The following EXOC4 variants were observed in gnomAD, a reference collection of about 807,000 sequenced individuals.
EXOC4 encodes exocyst complex component 4.
In EXOC4, 71 loss-of-function variants were observed where a neutral mutation model predicts 107.2. The ratio of observed to expected loss-of-function variants is 0.66; its 90% CI spans 0.55 to 0.81. The LOEUF (loss-of-function observed/expected upper bound fraction) is 0.81. Ranked by LOEUF, EXOC4 falls within the 30% of genes least tolerant of loss-of-function variation. The probability of loss-of-function intolerance (pLI) is 0.00; values close to 1 mark genes in which losing one functional copy is unlikely to be tolerated. For missense variants in EXOC4, 1,108 were observed against 1,189.6 expected, an observed-to-expected ratio of 0.93 and a Z score of 1.01; for synonymous variants, 456 against 441.2, an observed-to-expected ratio of 1.03 and a Z score of -0.42.
At chr7:134,054,308 C>T (rs746838936) in intron 17 of EXOC4, among the ~76,000 whole-genome samples, 2 of 152,130 alleles carry the variant, frequency 1.3e-5, no homozygotes, top group African/African-American at 2.4e-5. Flanking sequence ...ACCTCCTCCT[C>T]GCCACCCAGT....
At chr7:134,046,516 C>A (rs1380276220) in intron 17 of EXOC4, among the ~76,000 whole-genome samples, 3 of 148,820 alleles carry the variant, frequency 2.0e-5, no homozygotes, top group Non-Finnish European at 3.0e-5. Context: ...CCTCCTAAGT[C>A]ATGGCCCTCA....
At chr7:133,918,405 A>AAGAT (rs1459943022) in intron 13 of EXOC4, among the ~76,000 whole-genome samples, 1 of 152,214 alleles carries the variant, frequency 6.6e-6, no homozygotes, top group Non-Finnish European at 1.5e-5. Context: ...ACATGAGAGT[A>AAGAT]AGATAAATTT....
chr7:133,392,250 C>A (rs1447148630), intron 7 of EXOC4, among the ~76,000 whole-genome samples: 1 of 152,090 alleles, frequency 6.6e-6, no homozygotes, highest in Non-Finnish European at 1.5e-5. Flanking sequence ...GATCTGTTCA[C>A]CTGCTGTGAT....
rs1408867170 is a variant in EXOC4, at chr7:134,065,744, T to C, written c.*1216T>C. ...ATGGGAAAAATGGAGAATTAAAAAG[T>C]GTTTTGAGAAGCTTAAATGTTTCAT... On this transcript the variant is annotated 3_prime_UTR_variant, in exon 18 of 18. Coordinates refer to ENST00000253861, the MANE Select transcript of EXOC4 (RefSeq NM_021807.4). 1 of 152,198 alleles carries C rather than the reference T, an allele frequency of 6.6e-6. No individual in the cohort carries two copies. Among genetic ancestry groups the C allele is most frequent in the African/African-American group, 2.4e-5 (1 of 41,440 alleles). The allele number at this position is 152,198 out of a possible 1,614,324, so 9.4% of individuals were successfully genotyped here.
chr7:133,494,678 C>T (rs538961295), intron 9 of EXOC4, among the ~76,000 whole-genome samples: 1 of 152,266 alleles, frequency 6.6e-6, no homozygotes, highest in Non-Finnish European at 1.5e-5. Flanking sequence ...CACCCTAACA[C>T]AATAGATGTA....
In EXOC4 at chr7:133,596,037, T is replaced by C. The variant is rs554884767; in HGVS notation, c.1418-34008T>C. 2.2e-4 allele frequency among the ~76,000 whole-genome samples: 33 copies of C among 152,322 alleles called. No homozygotes were observed. In the South Asian group the frequency reaches 6.6e-3, roughly 31 times the overall value. The stretch of plus-strand genomic sequence containing the variant: ...CCATTTGCTTTGCTCCAACATGCTA[T>C]CTTTGTATGATGCTATTCACATGTT... On this transcript the variant is annotated intron_variant, in intron 9 of 17. Coordinates refer to ENST00000253861, the MANE Select transcript of EXOC4 (RefSeq NM_021807.4).
At chr7:133,591,642 A>G (rs1201211858) in intron 9 of EXOC4, among the ~76,000 whole-genome samples, 5 of 151,532 alleles carry the variant, frequency 3.3e-5, no homozygotes, top group Non-Finnish European at 4.4e-5. Context: ...CACTCTGTAT[A>G]TTTTTTGTAA....
chr7:133,624,506 C>G (rs999481233), intron 9 of EXOC4, among the ~76,000 whole-genome samples: 4 of 152,116 alleles, frequency 2.6e-5, no homozygotes, highest in African/African-American at 4.8e-5. Context: ...TCCCTTGAGC[C>G]TGGAAGGTTG....
chr7:134,059,922 C>T (rs1015422067), intron 17 of EXOC4, among the ~76,000 whole-genome samples: 25 of 152,018 alleles, frequency 1.6e-4, no homozygotes, highest in African/African-American at 5.8e-4. Flanking sequence ...AAAGATCTGC[C>T]CACCTTTCCA....
chr7:133,672,130 G>A (rs1464528714), intron 10 of EXOC4, among the ~76,000 whole-genome samples: 1 of 151,954 alleles, frequency 6.6e-6, no homozygotes, highest in East Asian at 1.9e-4. Context: ...GGTGGCTCAC[G>A]CCTGTAATCC....
intron 11 of EXOC4, among the ~76,000 whole-genome samples, chr7:133,877,873 A>T (rs971611987): frequency 6.6e-6 from 1 of 151,966 alleles, no homozygotes; most frequent in Non-Finnish European, 1.5e-5. Flanking sequence ...CAAAACTCCA[A>T]ATTCTGTCTC....
At chr7:133,670,526 G>T (rs972249030) in intron 10 of EXOC4, among the ~76,000 whole-genome samples, 1 of 152,160 alleles carries the variant, frequency 6.6e-6, no homozygotes, top group African/African-American at 2.4e-5. Context: ...AACATTGAAG[G>T]CTACTTTGCC....
At chr7:133,916,663 G>A (rs1356727895) in intron 12 of EXOC4, among the ~76,000 whole-genome samples, 1 of 152,106 alleles carries the variant, frequency 6.6e-6, no homozygotes, top group Non-Finnish European at 1.5e-5. Flanking sequence ...ATTTGCAAGT[G>A]CATAATGCCC....
intron 17 of EXOC4, among the ~76,000 whole-genome samples, chr7:134,029,127 G>A (rs577417624): frequency 6.7e-4 from 102 of 152,214 alleles, no homozygotes; most frequent in Non-Finnish European, 1.2e-3. Flanking sequence ...TATGCAGAGG[G>A]ATGACGTACC....
intron 17 of EXOC4, among the ~76,000 whole-genome samples, chr7:134,010,786 T>C (rs1438975082): frequency 6.6e-6 from 1 of 152,254 alleles, no homozygotes; most frequent in Admixed American, 6.5e-5. Context: ...GTAGTTTTCT[T>C]ACCTTCTCAG....
chr7:134,029,765 C>G (rs1465506853), intron 17 of EXOC4, among the ~76,000 whole-genome samples: 1 of 152,138 alleles, frequency 6.6e-6, no homozygotes, highest in Non-Finnish European at 1.5e-5. Context: ...AAGCAGTCCT[C>G]CAGTGTCAGC....
intron 9 of EXOC4, among the ~76,000 whole-genome samples, chr7:133,542,198 T>TGC (rs1554469887): frequency 2.0e-5 from 3 of 151,602 alleles, no homozygotes; most frequent in African/African-American, 7.3e-5. Context: ...TGTGTGTGTG[T>TGC]GCCTTCAGAA....
chr7:133,838,689 C>T (rs1797966916), intron 11 of EXOC4, among the ~76,000 whole-genome samples: 1 of 152,218 alleles, frequency 6.6e-6, no homozygotes, highest in Non-Finnish European at 1.5e-5. Context: ...CATGGTACTA[C>T]TTTACAGTAG....
intron 10 of EXOC4, among the ~76,000 whole-genome samples, chr7:133,774,150 G>A (rs912867453): frequency 6.6e-5 from 10 of 152,076 alleles, no homozygotes; most frequent in Admixed American, 1.3e-4. Flanking sequence ...ACCAGCCAGG[G>A]CAGAGTTGGG....
Sources: gnomAD v4.1 joint callset for allele counts (sites outside exome capture counted in the v4.1 genomes callset) on GRCh38, gnomAD v4.1.1 for gene constraint, MANE v1.5 for transcripts, NCBI Gene and HGNC (gene_info 2026-07-23, HGNC 2026-07-21) for gene names.